The following LIMCH1 variants were observed in gnomAD, a reference collection of about 807,000 sequenced individuals.
LIMCH1 encodes LIM and calponin homology domains-containing protein 1.
LIMCH1 carries 113 observed loss-of-function variants against 176.5 expected under a neutral mutation model. The observed-to-expected ratio is 0.64, with a 90% CI of 0.55 to 0.75. The LOEUF (loss-of-function observed/expected upper bound fraction) is 0.75. LIMCH1 is among the 30% of genes least tolerant of loss of function. The pLI is 0.00. For missense variants in LIMCH1, 1,674 were observed against 1,814.9 expected (o/e 0.92, Z 1.41); for synonymous variants, 619 against 645.9 (o/e 0.96, Z 0.63).
chr4:41,595,716 A>C (rs985747398), intron 1 of LIMCH1, among the ~76,000 whole-genome samples: 15 of 152,206 alleles, frequency 9.9e-5, no homozygotes, highest in African/African-American at 3.6e-4. Flanking sequence ...ACCAATCTTT[A>C]ACCTATTTTC....
At chr4:41,493,451 TAA>T (rs537414292) in intron 1 of LIMCH1, among the ~76,000 whole-genome samples, 3 of 141,270 alleles carry the variant, frequency 2.1e-5, no homozygotes, top group Non-Finnish European at 3.1e-5. Context: ...CCAAAAATAT[TAA>T]AAAAAAAAAA....
intron 18 of LIMCH1, among the ~76,000 whole-genome samples, chr4:41,656,865 T>C (rs7664059): frequency 0.13 from 19,844 of 152,196 alleles, 1,540 homozygotes; most frequent in Middle Eastern, 0.26. Flanking sequence ...CAACTCCATG[T>C]GAGAAACAGG....
At chr4:41,417,811 A>C (rs1456517551) in intron 1 of LIMCH1, among the ~76,000 whole-genome samples, 1 of 152,226 alleles carries the variant, frequency 6.6e-6, no homozygotes, top group African/African-American at 2.4e-5. Context: ...GTTGTAAGCC[A>C]CTGTGCCCAG....
At chr4:41,450,297 T>C (rs964013044) in intron 1 of LIMCH1, among the ~76,000 whole-genome samples, 2 of 152,112 alleles carry the variant, frequency 1.3e-5, no homozygotes, top group East Asian at 1.9e-4. Context: ...ATTTTATAGA[T>C]TTATTGGGTT....
intron 1 of LIMCH1, among the ~76,000 whole-genome samples, chr4:41,549,139 C>T (rs1251241523): frequency 2.6e-5 from 4 of 152,066 alleles, no homozygotes; most frequent in African/African-American, 7.2e-5. Flanking sequence ...ACCATCCTGC[C>T]TTGGCCTCCC....
At chr4:41,613,203 T>TA (rs1267346734) in intron 4 of LIMCH1, 3 of 1,063,506 alleles carry the variant, frequency 2.8e-6, no homozygotes, top group African/African-American at 1.6e-5. Flanking sequence ...CTTTTTTTTT[T>TA]AAACCTAGGG....
At chr4:41,566,556 A>C (rs1438837482) in intron 1 of LIMCH1, among the ~76,000 whole-genome samples, 3 of 152,188 alleles carry the variant, frequency 2.0e-5, no homozygotes, top group Admixed American at 6.5e-5. Context: ...TGATGTAGGC[A>C]GTTTCCTGGA....
At chr4:41,399,642 A>C (rs2058160491) in intron 1 of LIMCH1, among the ~76,000 whole-genome samples, 1 of 147,716 alleles carries the variant, frequency 6.8e-6, no homozygotes, top group Admixed American at 6.8e-5. Context: ...TATATATATT[A>C]CTCAGCTAAC....
intron 1 of LIMCH1, among the ~76,000 whole-genome samples, chr4:41,444,848 G>A (rs1033789725): frequency 3.3e-5 from 5 of 152,166 alleles, no homozygotes; most frequent in Middle Eastern, 3.4e-3. Context: ...ATATTTTGCC[G>A]AAATCTGACC....
intron 13 of LIMCH1, among the ~76,000 whole-genome samples, chr4:41,635,685 G>A (rs766719034): frequency 2.8e-4 from 43 of 152,346 alleles, no homozygotes; most frequent in Middle Eastern, 6.8e-3. Flanking sequence ...ATCAACAAGT[G>A]TTTATCAAGT....
chr4:41,451,887 C>T (rs973340913), intron 1 of LIMCH1, among the ~76,000 whole-genome samples: 5 of 152,220 alleles, frequency 3.3e-5, no homozygotes, highest in African/African-American at 1.2e-4. Flanking sequence ...GCCCCATCTT[C>T]TTACCTTTTT....
chr4:41,530,822 T>TAAAA lies in LIMCH1; in HGVS notation c.237+6344_237+6345insAAAA, dbSNP rs1345989713. 3.1e-3 allele frequency among the ~76,000 whole-genome samples: 225 copies of TAAAA among 73,674 alleles called. 2 individuals are homozygous for TAAAA. The highest frequency in any genetic ancestry group is 0.013 in the African/African-American group (146 of 11,224). The allele number at this position is 73,674 out of a possible 152,430, so 48.3% of individuals were successfully genotyped here. On this transcript the variant is annotated intron_variant, in intron 3 of 26. Transcript: ENST00000313860. ...AAAAAAAAAAAAAAAAAAAAAAATT[T>TAAAA]TTTTTTTTTTTTTTTTTTGGCCAGG...
At chr4:41,658,657 T>C (rs1328809694) in intron 18 of LIMCH1, among the ~76,000 whole-genome samples, 1 of 152,214 alleles carries the variant, frequency 6.6e-6, no homozygotes, top group East Asian at 1.9e-4. Flanking sequence ...ATCTGTCTTA[T>C]AATCAAAAGT....
Position 41,612,655 on chromosome 4 carries a change from T to C in LIMCH1, c.10-811T>C, listed in dbSNP as rs2091573034. The C allele has an allele frequency of 8.5e-6, 6 of 702,352 alleles. No homozygotes were observed. The East Asian group carries it at 1.1e-4, about 13-fold the overall frequency. The allele number at this position is 702,352 out of a possible 1,614,324, so 43.5% of individuals were successfully genotyped here. A position where few individuals can be genotyped will look rare whatever the true frequency, so the allele number is the denominator to read the frequency against. ...TTCTGCTGGAGTTTCAGTGTTTTAG[T>C]ATGTGCTGCTTGTGCTGGAAAGAAT... On this transcript the variant is annotated intron_variant, in intron 4 of 31. Coordinates refer to ENST00000503057, the MANE Select transcript of LIMCH1 (RefSeq NM_001330672.2).
chr4:41,538,749 T>G (rs530157740), intron 1 of LIMCH1, among the ~76,000 whole-genome samples: 1 of 152,250 alleles, frequency 6.6e-6, no homozygotes, highest in East Asian at 1.9e-4. Flanking sequence ...GTGGCTGCAT[T>G]CATGGTGGGG....
rs148437302 is a variant in LIMCH1, at chr4:41,458,742, C to G, written c.97-35794C>G. On this transcript the variant is annotated intron_variant, in intron 1 of 26. Coordinates refer to the LIMCH1 transcript ENST00000313860. ...TAAGCTGAGATTGTGCCACTGCACT[C>G]CAGCCTGGTGACAGAATGAGACTCT... Among the ~76,000 whole-genome samples, 436 of 146,590 alleles carry G rather than the reference C, an allele frequency of 3.0e-3. 2 individuals are homozygous for G. Among genetic ancestry groups the G allele is most frequent in the African/African-American group, 0.01 (407 of 38,868 alleles).
rs150670452 is a variant in LIMCH1 at position 41,647,004 on chromosome 4, G to A, written c.2820+111G>A. 90 of 1,048,902 alleles carry A rather than the reference G, an allele frequency of 8.6e-5. No individual in the cohort carries two copies. In the African/African-American group the frequency reaches 1.2e-3, roughly 14 times the overall value. The allele number at this position is 1,048,902 out of a possible 1,614,324, so 65.0% of individuals were successfully genotyped here. ...TCTTTTTACCATACAAAAGAAAAAT[G>A]TGTTGACATTTACAGCTGTGAAAGT... On this transcript the variant is annotated intron_variant, in intron 17 of 31. Coordinates refer to ENST00000503057, the MANE Select transcript of LIMCH1 (RefSeq NM_001330672.2).
intron 1 of LIMCH1, among the ~76,000 whole-genome samples, chr4:41,424,827 C>A (rs547051834): frequency 3.3e-5 from 5 of 152,172 alleles, no homozygotes; most frequent in African/African-American, 4.8e-5. Flanking sequence ...TCCCCTGGGC[C>A]AGACAGCAGC....
intron 1 of LIMCH1, among the ~76,000 whole-genome samples, chr4:41,396,196 C>T (rs13135864): frequency 0.22 from 33,058 of 152,034 alleles, 3,707 homozygotes; most frequent in Admixed American, 0.29. Flanking sequence ...CATCCTAATA[C>T]GATTGTTGAT....
Sources: allele counts gnomAD v4.1 joint callset (sites outside exome capture counted in the v4.1 genomes callset), GRCh38; gene constraint gnomAD v4.1.1; transcripts MANE v1.5; gene names NCBI Gene and HGNC (gene_info 2026-07-23, HGNC 2026-07-21).